Variants in HMGXB3 observed in about 807,000 individuals in gnomAD.
The protein encoded by HMGXB3 is HMG domain-containing protein 3.
In HMGXB3, 45 loss-of-function variants were observed where a neutral mutation model predicts 121.5. The observed-to-expected ratio is 0.37, with a 90% CI of 0.29 to 0.47. HMGXB3 has a LOEUF of 0.47. Among genes scored for constraint, HMGXB3 ranks in the 20% least tolerant of loss-of-function variants. The pLI is 0.99. For synonymous variants in HMGXB3, 590 were observed against 624.1 expected, an observed-to-expected ratio of 0.95 and a Z score of 0.81; for missense variants, 1,376 against 1,602.2, an observed-to-expected ratio of 0.86 and a Z score of 2.41.
intron 1 of HMGXB3, among the ~76,000 whole-genome samples, chr5:150,002,745 T>A (rs530022276): frequency 6.6e-6 from 1 of 152,366 alleles, no homozygotes; most frequent in African/African-American, 2.4e-5. Context: ...GTTAGTAGAT[T>A]CTCTGTTTTT....
At chr5:150,023,358 A>G (rs968324576) in intron 6 of HMGXB3, among the ~76,000 whole-genome samples, 3 of 152,120 alleles carry the variant, frequency 2.0e-5, no homozygotes, top group African/African-American at 7.2e-5. Flanking sequence ...TTGCTATTTC[A>G]TAAGGGGAAA....
intron 5 of HMGXB3, chr5:150,014,892 AT>A: frequency 2.7e-6 from 2 of 728,526 alleles, no homozygotes; most frequent in East Asian, 6.6e-5. Flanking sequence ...TCTGGAACCA[AT>A]GTTTCTTCAG....
At chr5:150,008,191 G>A (rs1053969407) in intron 3 of HMGXB3, among the ~76,000 whole-genome samples, 1 of 151,718 alleles carries the variant, frequency 6.6e-6, no homozygotes, top group Non-Finnish European at 1.5e-5. Context: ...TCATTATCAA[G>A]ACTTTAAAAA....
chr5:150,000,850 G>C lies in HMGXB3; in HGVS notation c.-332G>C, dbSNP rs1354330942. ...CCGGGGCTTGACCCCCGGGGCCCTC[G>C]GCAGGCATCGGTGAGGAGCCTGCGG... On this transcript the variant is annotated 5_prime_UTR_variant, in exon 1 of 20. Transcript: ENST00000502717. 6.5e-6 allele frequency: 1 copy of C among 154,728 alleles called. No individual in the cohort carries two copies. The highest frequency in any genetic ancestry group is 1.5e-5 in the Non-Finnish European group (1 of 68,208). 9.6% of individuals were successfully genotyped at this position (154,728 alleles called of 1,614,324 possible). A position where few individuals can be genotyped will look rare whatever the true frequency, so the allele number is the denominator to read the frequency against.
intron 9 of HMGXB3, chr5:150,030,533 C>A: frequency 1.8e-6 from 1 of 546,382 alleles, no homozygotes; most frequent in Non-Finnish European, 3.3e-6. Context: ...TTAGAAACTG[C>A]ACAGAAGCAT....
chr5:150,007,633 A>C (rs1355279162), intron 3 of HMGXB3, among the ~76,000 whole-genome samples: 1 of 151,970 alleles, frequency 6.6e-6, no homozygotes, highest in African/African-American at 2.4e-5. Flanking sequence ...TGGAGATGCT[A>C]CTCTCTGCTC....
chr5:150,027,246 G>T, intron 9 of HMGXB3, 129 bp downstream of exon 9: 1 of 585,648 alleles, frequency 1.7e-6, no homozygotes, highest in Admixed American at 3.6e-5. Context: ...AGGTTAACAT[G>T]AATGATTTAT....
intron 6 of HMGXB3, chr5:150,021,588 T>A: frequency 2.3e-6 from 1 of 429,710 alleles, no homozygotes; most frequent in South Asian, 2.1e-5. Flanking sequence ...CAGTGGTGAC[T>A]TGCACCTCAA....
At chr5:150,002,927 G>A (rs1755612455) in intron 1 of HMGXB3, among the ~76,000 whole-genome samples, 1 of 152,204 alleles carries the variant, frequency 6.6e-6, no homozygotes, top group Non-Finnish European at 1.5e-5. Context: ...AGGATTGCTT[G>A]AGCCTAGGAG....
intron 16 of HMGXB3, chr5:150,047,376 T>G: frequency 2.2e-6 from 1 of 464,788 alleles, no homozygotes; most frequent in Non-Finnish European, 3.9e-6. Flanking sequence ...AAAGCTGACT[T>G]ATTTTAGGGT....
At chr5:150,016,308 T>C (rs1298359372) in intron 5 of HMGXB3, among the ~76,000 whole-genome samples, 3 of 143,018 alleles carry the variant, frequency 2.1e-5, no homozygotes, top group Non-Finnish European at 3.0e-5. Context: ...GCCACTGCAC[T>C]GTAGCCTGAG....
intron 3 of HMGXB3, among the ~76,000 whole-genome samples, chr5:150,009,868 A>G (rs1163106910): frequency 6.6e-6 from 1 of 152,170 alleles, no homozygotes; most frequent in African/African-American, 2.4e-5. Context: ...AGTTCAGTCC[A>G]TGCTGTTTCC....
At chr5:150,013,148 A>G (rs904957010) in intron 5 of HMGXB3, among the ~76,000 whole-genome samples, 2 of 152,236 alleles carry the variant, frequency 1.3e-5, no homozygotes, top group African/African-American at 4.8e-5. Context: ...AAGAGCAGAC[A>G]TCTTTGTCTT....
chr5:150,005,531 G>A (rs541651102), intron 2 of HMGXB3, among the ~76,000 whole-genome samples: 37 of 151,014 alleles, frequency 2.5e-4, no homozygotes, highest in African/African-American at 7.6e-4. Context: ...TCTGGGAGGC[G>A]GAGGTTGCGG....
At position 150,041,965 on chromosome 5, in the gene HMGXB3, T is replaced by A; in HGVS notation, c.2726T>A (p.Val909Glu). The A allele has an allele frequency of 6.4e-7, 1 of 1,550,630 alleles. No individual in the cohort carries two copies. Among genetic ancestry groups the A allele is most frequent in the Non-Finnish European group, 8.7e-7 (1 of 1,146,162 alleles). The change falls in exon 15 of 20, where the codon GTG (valine) becomes GAG (glutamate). Residue 909 changes from valine to glutamate, a missense_variant. Val to Glu is a moderately radical substitution (Grantham distance 121). Around this residue, in one of 2 missense-constraint regions of HMGXB3, gnomAD observed 1,116 missense variants for 1,369.0 expected, o/e 0.82. Coordinates refer to ENST00000502717, the MANE Select transcript of HMGXB3 (RefSeq NM_014983.3). Reference protein sequence around the residue: ...SEENVLALKSVEFTWPEFLGS... With the variant: ...SEENVLALKSEEFTWPEFLGS... ...GAGAATGTGCTAGCACTGAAGAGCG[T>A]GGAGGTAAGTGCCTCTTAGCCACCG...
Position 150,040,778 on chromosome 5 carries a change from T to C in HMGXB3, c.2444T>C (p.Val815Ala). Residue 815 changes from valine to alanine, a missense_variant, in exon 14 of 20, where the codon GTA (valine) becomes GCA (alanine). By Grantham distance (64) the Val-to-Ala change is moderately conservative. Around this residue, in one of 2 missense-constraint regions of HMGXB3, gnomAD observed 1,116 missense variants for 1,369.0 expected, o/e 0.82. Transcript: ENST00000502717. Reference protein sequence around the residue: ...GLFNVGNKLLVSLDLLFAIRN... With the variant: ...GLFNVGNKLLASLDLLFAIRN... ...TTTAATGTGGGGAACAAGCTGCTGG[T>C]AAGCCTGGACTTGCTTTTTGCAATC... The C allele has an allele frequency of 2.6e-6, 4 of 1,552,204 alleles. No homozygotes were observed. The highest frequency in any genetic ancestry group is 3.5e-6 in the Non-Finnish European group (4 of 1,147,088).
chr5:150,052,064 A>G lies in HMGXB3; in HGVS notation c.3751A>G (p.Ile1251Val), dbSNP rs1756922239. 5 of 1,551,948 alleles carry G rather than the reference A, an allele frequency of 3.2e-6. No individual in the cohort carries two copies. In the East Asian group the frequency reaches 7.3e-5, roughly 23 times the overall value. Residue 1251 changes from isoleucine to valine, a missense_variant, in exon 20 of 20, where the codon ATT becomes GTT. By Grantham distance (29) the Ile-to-Val change is conservative. This residue lies in a region of HMGXB3 where 260 missense variants were observed against 233.2 expected (regional missense o/e 1.11). Coordinates refer to ENST00000502717, the MANE Select transcript of HMGXB3 (RefSeq NM_014983.3). Reference sequence around the variant, plus strand: ...AATTGTCAATCGTCAGATCCATGACATTGTACAGAGCTGCCAGCCTGGTGA... The same window carrying G: ...AATTGTCAATCGTCAGATCCATGACGTTGTACAGAGCTGCCAGCCTGGTGA... ...REIVNRQIHD[I>V]VQSCQPGEVV...
At position 150,036,914 on chromosome 5, in the gene HMGXB3, C is replaced by G; in HGVS notation, c.2262C>G (p.Ser754Arg). 6.4e-7 allele frequency: 1 copy of G among 1,551,352 alleles called. No individual in the cohort carries two copies. Among genetic ancestry groups the G allele is most frequent in the Non-Finnish European group, 8.7e-7 (1 of 1,146,828 alleles). ...SPSTQCLLCS[S>R]PLFKGGQNSL... is the part of the protein sequence containing the mutation. ...CCACGCAGTGCCTTCTCTGTAGCAGCCCATTATTCAAAGGGGGACAAAAGT... is the reference window on the plus strand; with the variant it reads ...CCACGCAGTGCCTTCTCTGTAGCAGGCCATTATTCAAAGGGGGACAAAAGT... The change falls in exon 12 of 20, where the codon AGC becomes AGG. Residue 754 changes from serine to arginine, a missense_variant. Physicochemically the swap from Ser to Arg is moderately radical, Grantham distance 110. Transcript: ENST00000502717.
intron 10 of HMGXB3, among the ~76,000 whole-genome samples, 184 bp downstream of exon 10, chr5:150,031,023 G>C (rs1320572972): frequency 1.3e-5 from 2 of 152,144 alleles, no homozygotes; most frequent in Non-Finnish European, 2.9e-5. Context: ...TGAATCTGCT[G>C]GGTTGTTTTG....
Sources: gnomAD v4.1 joint callset for allele counts (sites outside exome capture counted in the v4.1 genomes callset) on GRCh38, gnomAD v4.1.1 for gene constraint, gnomAD v4.1.1 regional missense constraint, MANE v1.5 for transcripts, NCBI Gene and HGNC (gene_info 2026-07-23, HGNC 2026-07-21) for gene names.